The following CDH22 variants were observed in gnomAD, a reference collection of about 807,000 sequenced individuals.
The protein encoded by CDH22 is cadherin-22.
CDH22 carries 30 observed loss-of-function variants against 58.4 expected under a neutral mutation model. The ratio of observed to expected loss-of-function variants is 0.51; its 90% CI spans 0.38 to 0.70. The LOEUF is 0.70. Among genes scored for constraint, CDH22 ranks in the 30% least tolerant of loss-of-function variants. The probability of loss-of-function intolerance (pLI) is 0.00; values close to 1 mark genes in which losing one functional copy is unlikely to be tolerated. For missense variants in CDH22, 1,014 were observed against 1,233.9 expected, an observed-to-expected ratio of 0.82 and a Z score of 2.67; for synonymous variants, 513 against 558.2, an observed-to-expected ratio of 0.92 and a Z score of 1.14.
intron 3 of CDH22, among the ~76,000 whole-genome samples, chr20:46,238,481 A>G (rs1364464770): frequency 1.3e-5 from 2 of 152,170 alleles, no homozygotes; most frequent in East Asian, 3.9e-4. Flanking sequence ...CTGAACCTGG[A>G]TATTCAACTC....
At chr20:46,191,631 A>C (rs1044389448) in intron 8 of CDH22, among the ~76,000 whole-genome samples, 1 of 152,156 alleles carries the variant, frequency 6.6e-6, no homozygotes, top group African/African-American at 2.4e-5. Flanking sequence ...TGTTTTACTG[A>C]TGAGGAAACG....
chr20:46,272,608 G>A (rs928215443), intron 1 of CDH22, among the ~76,000 whole-genome samples: 4 of 152,324 alleles, frequency 2.6e-5, no homozygotes, highest in Middle Eastern at 3.4e-3. Context: ...CCAAGAGACT[G>A]TCATGGAAAC....
chr20:46,278,660 C>T (rs1311116244), intron 1 of CDH22, among the ~76,000 whole-genome samples: 1 of 152,132 alleles, frequency 6.6e-6, no homozygotes, highest in Non-Finnish European at 1.5e-5. Context: ...TCACAGCTCA[C>T]TGCAGCCCTG....
Position 46,241,371 on chromosome 20 carries a change from C to A in CDH22, c.256-114G>T. On this transcript the variant is annotated intron_variant, in intron 2 of 11. Coordinates refer to ENST00000537909, the MANE Select transcript of CDH22 (RefSeq NM_021248.3). The surrounding 1 kb of genome is among the most constrained non-coding windows in gnomAD (Gnocchi z 5.2). ...AAGCCCATCTCTTCTCCAGCACATA[C>A]ACATCTTTAGTGAGGACACTGAGGC... The A allele has an allele frequency of 1.1e-6, 1 of 905,356 alleles. No homozygotes were observed. Among genetic ancestry groups the A allele is most frequent in the Non-Finnish European group, 1.6e-6 (1 of 608,646 alleles). 56.1% of individuals were successfully genotyped at this position (905,356 alleles called of 1,614,324 possible).
chr20:46,251,433 C>A lies in CDH22; in HGVS notation c.-139G>T. ...CCGGGATGTCGCCCCCGACGGGGCA[C>A]CCGGACGGGCCCGCGGCCCTGAACG... On this transcript the variant is annotated 5_prime_UTR_variant, in exon 2 of 12. Coordinates refer to ENST00000537909, the MANE Select transcript of CDH22 (RefSeq NM_021248.3). This position sits in a 1 kb window ranked among gnomAD's most constrained non-coding sequence, Gnocchi z 6.7. 2.0e-6 allele frequency: 2 copies of A among 1,001,904 alleles called. No homozygotes were observed. The highest frequency in any genetic ancestry group is 2.6e-6 in the Non-Finnish European group (2 of 761,920). 62.1% of individuals were successfully genotyped at this position (1,001,904 alleles called of 1,614,324 possible).
At chr20:46,231,104 A>C (rs1319525421) in intron 3 of CDH22, among the ~76,000 whole-genome samples, 2 of 152,184 alleles carry the variant, frequency 1.3e-5, no homozygotes. Context: ...GACTTCCAGA[A>C]GTAGAGCTGG....
intron 1 of CDH22, among the ~76,000 whole-genome samples, chr20:46,293,083 A>G (rs534679803): frequency 6.6e-6 from 1 of 152,288 alleles, no homozygotes; most frequent in East Asian, 1.9e-4. Flanking sequence ...GTAAGTAAGA[A>G]TGAATGAATT....
chr20:46,245,808 CTGTCTCATTGA>C (rs2086324285), intron 2 of CDH22, among the ~76,000 whole-genome samples: 2 of 152,294 alleles, frequency 1.3e-5, no homozygotes, highest in South Asian at 4.2e-4. Context: ...CCTTTTACTG[CTGTCTCATTGA>C]TGTCTCATCT....
chr20:46,199,936 T>G (rs963927285), intron 7 of CDH22, among the ~76,000 whole-genome samples: 6 of 26,266 alleles, frequency 2.3e-4, no homozygotes. Context: ...TCTCTTTCCT[T>G]CCTTCCTTCT....
chr20:46,296,401 A>G (rs2086629176), intron 1 of CDH22, among the ~76,000 whole-genome samples: 1 of 152,212 alleles, frequency 6.6e-6, no homozygotes, highest in South Asian at 2.1e-4. Flanking sequence ...CACTTGCCCA[A>G]GGCCATCCAG....
At chr20:46,181,577 TTTCCCTTCC>T (rs1239657808) in intron 10 of CDH22, among the ~76,000 whole-genome samples, 8 of 150,638 alleles carry the variant, frequency 5.3e-5, no homozygotes, top group East Asian at 3.9e-4. Flanking sequence ...TTTGGGTCAT[TTTCCCTTCC>T]TTCCCTTCCT....
At chr20:46,198,227 A>G (rs2085922960) in intron 8 of CDH22, among the ~76,000 whole-genome samples, 1 of 149,720 alleles carries the variant, frequency 6.7e-6, no homozygotes, top group Non-Finnish European at 1.5e-5. Context: ...CCTGGATGCC[A>G]TGTCTCAGGC....
At chr20:46,236,882 C>T (rs1472866553) in intron 3 of CDH22, among the ~76,000 whole-genome samples, 5 of 151,938 alleles carry the variant, frequency 3.3e-5, no homozygotes, top group African/African-American at 7.3e-5. Context: ...TTAGTAGAGA[C>T]GGGGTTTCAC....
chr20:46,224,582 T>A (rs562612215), intron 4 of CDH22, among the ~76,000 whole-genome samples: 1 of 152,364 alleles, frequency 6.6e-6, no homozygotes, highest in Admixed American at 6.5e-5. Context: ...CTGAATTTTT[T>A]AGCTCTGCAT....
intron 5 of CDH22, among the ~76,000 whole-genome samples, chr20:46,215,386 A>G (rs2086076742): frequency 6.6e-6 from 1 of 152,230 alleles, no homozygotes; most frequent in Non-Finnish European, 1.5e-5. Context: ...GCAAGACAAA[A>G]ACAATTTGTA....
chr20:46,177,282 T>C (rs2085747857), intron 11 of CDH22, among the ~76,000 whole-genome samples: 1 of 152,204 alleles, frequency 6.6e-6, no homozygotes, highest in Non-Finnish European at 1.5e-5. Flanking sequence ...GTTACAGCTG[T>C]AACAGGTGGC....
intron 1 of CDH22, among the ~76,000 whole-genome samples, chr20:46,284,997 C>A (rs180840033): frequency 9.9e-5 from 15 of 152,280 alleles, no homozygotes; most frequent in African/African-American, 3.6e-4. Flanking sequence ...TTTCCCCCGA[C>A]CCCCAACCTG....
intron 1 of CDH22, among the ~76,000 whole-genome samples, chr20:46,285,073 T>G (rs1049366626): frequency 1.3e-5 from 2 of 152,176 alleles, no homozygotes; most frequent in Admixed American, 6.5e-5. Context: ...GACTTCTCTT[T>G]CGCCCCTGTA....
chr20:46,238,803 C>A (rs1056104498), intron 3 of CDH22, among the ~76,000 whole-genome samples: 8 of 152,258 alleles, frequency 5.3e-5, no homozygotes, highest in Admixed American at 2.0e-4. Context: ...TGTTCACAGG[C>A]CACCTGCTTC....
Sources: allele counts gnomAD v4.1 joint callset (sites outside exome capture counted in the v4.1 genomes callset), GRCh38; gene constraint gnomAD v4.1.1; non-coding constraint Gnocchi (gnomAD v3.1); transcripts MANE v1.5; gene names NCBI Gene and HGNC (gene_info 2026-07-23, HGNC 2026-07-21).